ZNF718: variants seen among roughly 807,000 people sequenced by gnomAD.
ZNF718 encodes the protein zinc finger protein 718.
Under a neutral mutation model 2.6 loss-of-function variants are expected in ZNF718, and 3 were observed. The observed-to-expected ratio is 1.16, with a 90% CI of 0.53 to 3.01. The LOEUF is 3.01. ZNF718 is among the 30% of genes most tolerant of loss of function. ZNF718 has a pLI of 0.03. For missense variants in ZNF718, 468 were observed against 230.0 expected (o/e 2.03, Z -6.69); for synonymous variants, 135 against 77.9 (o/e 1.73, Z -3.86).
intron 3 of ZNF718, among the ~76,000 whole-genome samples, chr4:180,838 A>AG (rs1478166182): frequency 2.6e-5 from 4 of 152,192 alleles, no homozygotes; most frequent in Non-Finnish European, 5.9e-5. Context: ...TGTCTATTCA[A>AG]ATGCTTTATT....
At chr4:192,972 C>G (rs1167420099) in intron 3 of ZNF718, among the ~76,000 whole-genome samples, 1 of 152,126 alleles carries the variant, frequency 6.6e-6, no homozygotes, top group African/African-American at 2.4e-5. Context: ...CTATCAATGC[C>G]TAAGTGAAAG....
In ZNF718 at chr4:161,602, C is replaced by T. The variant is rs781794929; in HGVS notation, c.917C>T (p.Ala306Val). ...SSLNEHKRIH[A>V]GEKPFSCEEC... is the part of the protein sequence containing the mutation. ...CTTAATGAACATAAGAGAATTCATG[C>T]TGGAGAGAAACCCTTCTCATGCGAA... is the stretch of plus-strand genomic sequence containing the variant. The change falls in exon 4 of 4, where the codon GCT becomes GTT. Residue 306 changes from alanine to valine, a missense_variant. Ala to Val is a moderately conservative substitution (Grantham distance 64). Coordinates refer to ENST00000510175, the MANE Select transcript of ZNF718 (RefSeq NM_001039127.6). 1 of 780,668 alleles carries T rather than the reference C, an allele frequency of 1.3e-6. No individual in the cohort carries two copies. The highest frequency in any genetic ancestry group is 2.4e-6 in the Non-Finnish European group (1 of 417,922). The allele number at this position is 780,668 out of a possible 1,614,324, so 48.4% of individuals were successfully genotyped here.
chr4:180,525 C>T (rs1349778016), intron 3 of ZNF718, among the ~76,000 whole-genome samples: 2 of 152,212 alleles, frequency 1.3e-5, no homozygotes, highest in African/African-American at 4.8e-5. Flanking sequence ...TAGACTCTGG[C>T]TGGCAGTGTG....
intron 3 of ZNF718, among the ~76,000 whole-genome samples, chr4:170,148 T>C (rs1368924856): frequency 5.9e-5 from 9 of 152,228 alleles, no homozygotes; most frequent in Non-Finnish European, 1.3e-4. Context: ...TTGAAAATTC[T>C]TTTCTTTAAG....
chr4:189,545 AAT>A (rs1316645238), intron 3 of ZNF718, among the ~76,000 whole-genome samples: 1 of 152,186 alleles, frequency 6.6e-6, no homozygotes, highest in African/African-American at 2.4e-5. Flanking sequence ...ATAAATTTAT[AAT>A]AGTTTTTTAT....
chr4:171,366 A>T (rs1205474109), intron 3 of ZNF718, among the ~76,000 whole-genome samples: 1 of 152,136 alleles, frequency 6.6e-6, no homozygotes, highest in Non-Finnish European at 1.5e-5. Flanking sequence ...GCTCTCTTCA[A>T]GGCTGTCAGA....
intron 3 of ZNF718, among the ~76,000 whole-genome samples, chr4:148,831 C>T (rs1015487961): frequency 1.3e-5 from 2 of 152,008 alleles, no homozygotes; most frequent in Non-Finnish European, 2.9e-5. Flanking sequence ...ATGAATTCTC[C>T]TAAGTGTCTT....
intron 3 of ZNF718, among the ~76,000 whole-genome samples, chr4:176,926 A>G (rs1284399387): frequency 1.3e-5 from 2 of 152,190 alleles, no homozygotes; most frequent in African/African-American, 4.8e-5. Context: ...CTCTTTCTGC[A>G]TTCATTCTTG....
At chr4:202,057 T>C (rs1717912026) in exon 5 of ZNF718, 1 of 152,634 alleles carries the variant, frequency 6.6e-6, no homozygotes, top group Non-Finnish European at 1.5e-5. Context: ...ATAATTCCCA[T>C]ACGTTGTGAG....
chr4:139,844 G>A (rs1345344737), intron 3 of ZNF718, among the ~76,000 whole-genome samples: 4 of 152,148 alleles, frequency 2.6e-5, no homozygotes, highest in Non-Finnish European at 5.9e-5. Flanking sequence ...AAACGTGGAG[G>A]CAACTGCAGG....
chr4:138,308 T>C (rs1553809715), intron 3 of ZNF718, among the ~76,000 whole-genome samples: 1 of 152,216 alleles, frequency 6.6e-6, no homozygotes, highest in African/African-American at 2.4e-5. Context: ...CAGCCTCTGG[T>C]AACAATCCTT....
At position 196,277 on chromosome 4, in the gene ZNF718, C is replaced by A. The variant is rs187504806; in HGVS notation, c.227-4804C>A. ...TCCTAGCCATTTACAAACTTGGGGCCCTGGCAAGGGTGGTGGGGAACAGGT... is the reference window on the plus strand; with the variant it reads ...TCCTAGCCATTTACAAACTTGGGGCACTGGCAAGGGTGGTGGGGAACAGGT... On this transcript the variant is annotated intron_variant and NMD_transcript_variant, in intron 3 of 4. Coordinates refer to the ZNF718 transcript ENST00000642529. 1.4e-4 allele frequency among the ~76,000 whole-genome samples: 21 copies of A among 152,226 alleles called. No individual in the cohort carries two copies. The East Asian group carries it at 3.9e-3, about 28-fold the overall frequency.
intron 1 of ZNF718, among the ~76,000 whole-genome samples, chr4:129,777 TAA>T (rs1166245424): frequency 4.3e-5 from 4 of 92,588 alleles, no homozygotes; most frequent in Admixed American, 1.2e-4. Context: ...TCTACGCATT[TAA>T]AAAAAAAAAC....
intron 1 of ZNF718, among the ~76,000 whole-genome samples, chr4:125,594 G>T (rs1553807858): frequency 6.6e-6 from 1 of 152,212 alleles, no homozygotes; most frequent in Non-Finnish European, 1.5e-5. Flanking sequence ...CCTGGTGTCC[G>T]CAGGAGGCGC....
chr4:172,747 G>T (rs782012817), intron 3 of ZNF718, among the ~76,000 whole-genome samples: 5 of 152,072 alleles, frequency 3.3e-5, no homozygotes, highest in Non-Finnish European at 5.9e-5. Flanking sequence ...TTATACATGT[G>T]TGTGTAAATG....
At chr4:148,727 T>C (rs1716184663) in intron 3 of ZNF718, among the ~76,000 whole-genome samples, 1 of 151,900 alleles carries the variant, frequency 6.6e-6, no homozygotes, top group Non-Finnish European at 1.5e-5. Context: ...TTCCACACTA[T>C]GACTGATCAG....
intron 3 of ZNF718, among the ~76,000 whole-genome samples, chr4:160,513 A>G (rs1420723716): frequency 6.6e-6 from 1 of 152,088 alleles, no homozygotes; most frequent in Non-Finnish European, 1.5e-5. Flanking sequence ...TTAGATTTGT[A>G]ATTGTATTAG....
At chr4:186,087 T>G (rs1553820439) in intron 3 of ZNF718, among the ~76,000 whole-genome samples, 1 of 152,038 alleles carries the variant, frequency 6.6e-6, no homozygotes, top group Admixed American at 6.6e-5. Flanking sequence ...TGCTTCATAG[T>G]GTCACTGGCT....
chr4:136,486 A>G, intron 3 of ZNF718: 10 of 524,302 alleles, frequency 1.9e-5, no homozygotes, highest in South Asian at 1.4e-4. Context: ...CCTTAGTAAG[A>G]CCAAGCTTAG....
Sources: gnomAD v4.1 joint callset for allele counts (sites outside exome capture counted in the v4.1 genomes callset) on GRCh38, gnomAD v4.1.1 for gene constraint, MANE v1.5 for transcripts, NCBI Gene and HGNC (gene_info 2026-07-23, HGNC 2026-07-21) for gene names.